The following MYOZ2 variants were observed in gnomAD, a reference collection of about 807,000 sequenced individuals.
MYOZ2 encodes myozenin 2.
MYOZ2 carries 19 observed loss-of-function variants against 25.4 expected under a neutral mutation model. That is an observed-to-expected ratio of 0.75 (90% CI 0.52 to 1.10). MYOZ2 has a LOEUF of 1.10. Ranked by LOEUF, MYOZ2 falls within the 50% of genes least tolerant of loss-of-function variation. The pLI is 0.00. For missense variants in MYOZ2, 270 were observed against 317.9 expected (o/e 0.85, Z 1.15); for synonymous variants, 92 against 106.9 (o/e 0.86, Z 0.86).
At chr4:119,180,618 A>G (rs1742168422) in intron 5 of MYOZ2, among the ~76,000 whole-genome samples, 1 of 152,086 alleles carries the variant, frequency 6.6e-6, no homozygotes, top group Admixed American at 6.6e-5. Flanking sequence ...CGGTGGTGCG[A>G]TTTCAGCTCA....
chr4:119,145,966 G>C (rs1741282054), intron 2 of MYOZ2, among the ~76,000 whole-genome samples: 1 of 152,074 alleles, frequency 6.6e-6, no homozygotes, highest in South Asian at 2.1e-4. Context: ...TGAGGAACTG[G>C]TCAATTTTTT....
intron 5 of MYOZ2, among the ~76,000 whole-genome samples, chr4:119,165,923 G>A (rs567376930): frequency 6.6e-6 from 1 of 152,226 alleles, no homozygotes; most frequent in South Asian, 2.1e-4. Context: ...GATGCCTATT[G>A]ACTGTATAAA....
intron 2 of MYOZ2, among the ~76,000 whole-genome samples, chr4:119,138,560 T>C (rs1371146810): frequency 1.3e-5 from 2 of 152,160 alleles, no homozygotes; most frequent in Non-Finnish European, 2.9e-5. Context: ...GGAGTAAAAA[T>C]CTGGATAATT....
chr4:119,150,985 A>C lies in MYOZ2; in HGVS notation c.190A>C (p.Arg64=), dbSNP rs727505324. 2 of 1,613,494 alleles carry C rather than the reference A, an allele frequency of 1.2e-6. No homozygotes were observed. The highest frequency in any genetic ancestry group is 4.5e-5 in the East Asian group (2 of 44,874). Residue 64 remains arginine (R), a synonymous_variant, in exon 3 of 6, where the codon AGA becomes CGA. Coordinates refer to ENST00000307128, the MANE Select transcript of MYOZ2 (RefSeq NM_016599.5). ...CAGGCTATTTAAGATGCGTCAAAGA[A>C]GATCTGACAAATACACATTTGAAAA... The part of the protein sequence containing the change: ...GARLFKMRQR[R]SDKYTFENFQ...
At chr4:119,153,757 T>G (rs1320015162) in intron 3 of MYOZ2, among the ~76,000 whole-genome samples, 2 of 152,146 alleles carry the variant, frequency 1.3e-5, no homozygotes, top group Non-Finnish European at 1.5e-5. Flanking sequence ...AGCTTTGAAT[T>G]CTACTGGTGA....
chr4:119,163,659 C>T (rs1741755775), intron 4 of MYOZ2, among the ~76,000 whole-genome samples: 1 of 152,046 alleles, frequency 6.6e-6, no homozygotes, highest in Admixed American at 6.6e-5. Context: ...AAGAGCTGGG[C>T]CTGAATAAGG....
intron 2 of MYOZ2, among the ~76,000 whole-genome samples, chr4:119,145,153 C>T (rs183721228): frequency 2.0e-5 from 3 of 152,080 alleles, no homozygotes; most frequent in African/African-American, 7.2e-5. Context: ...TAGTGAATTA[C>T]ATTGATTGAT....
chr4:119,142,511 T>C (rs886672905), intron 2 of MYOZ2, among the ~76,000 whole-genome samples: 7 of 152,164 alleles, frequency 4.6e-5, no homozygotes, highest in African/African-American at 7.2e-5. Flanking sequence ...GGGTGAATAT[T>C]CCCTGTAGAA....
chr4:119,147,533 G>A (rs984361408), intron 2 of MYOZ2, among the ~76,000 whole-genome samples: 19 of 152,066 alleles, frequency 1.2e-4, no homozygotes, highest in Admixed American at 1.2e-3. Flanking sequence ...TTGAGGTCAG[G>A]AGTTCGAGAC....
At chr4:119,144,488 T>A (rs62326319) in intron 2 of MYOZ2, among the ~76,000 whole-genome samples, 34,659 of 152,172 alleles carry the variant, frequency 0.23, 4,607 homozygotes, top group South Asian at 0.35. Flanking sequence ...TATTGCAGGG[T>A]AGTTCTGCAT....
rs570634383 is a variant in MYOZ2, at chr4:119,186,574, T to C, written c.*374T>C. 3.0e-5 allele frequency: 7 copies of C among 235,428 alleles called. No homozygotes were observed. Among genetic ancestry groups the C allele is most frequent in the Admixed American group, 5.3e-5 (1 of 18,716 alleles). 14.6% of individuals were successfully genotyped at this position (235,428 alleles called of 1,614,324 possible). A position where few individuals can be genotyped will look rare whatever the true frequency, so the allele number is the denominator to read the frequency against. ...TAGAATCAAAATACAGGGAGAGATA[T>C]GAAGACCTATTCAGAGTTTCATCTG... On this transcript the variant is annotated 3_prime_UTR_variant, in exon 6 of 6. Transcript: ENST00000307128.
At chr4:119,153,567 C>G (rs1055061597) in intron 3 of MYOZ2, among the ~76,000 whole-genome samples, 1 of 152,044 alleles carries the variant, frequency 6.6e-6, no homozygotes, top group Non-Finnish European at 1.5e-5. Context: ...CAAGCTTTTA[C>G]TTTTACTGCT....
In MYOZ2 at chr4:119,168,683, A is replaced by AAACAACAACAACAACAAC. The variant is rs150292392; in HGVS notation, c.560+4301_560+4318dup. 4.8e-3 allele frequency among the ~76,000 whole-genome samples: 719 copies of AAACAACAACAACAACAAC among 150,934 alleles called. 4 individuals carry two copies. Among genetic ancestry groups the AAACAACAACAACAACAAC allele is most frequent in the African/African-American group, 0.017 (683 of 40,658 alleles). On this transcript the variant is annotated intron_variant, in intron 5 of 5. Transcript: ENST00000307128. ...CTGCAATCTAAAAAAAACAACAACA[A>AAACAACAACAACAACAAC]AACAACAACAACAACAACAACAACA... is the stretch of plus-strand genomic sequence containing the variant.
intron 2 of MYOZ2, among the ~76,000 whole-genome samples, chr4:119,140,269 A>T (rs751495454): frequency 1.1e-4 from 17 of 152,216 alleles, no homozygotes; most frequent in Non-Finnish European, 2.4e-4. Flanking sequence ...CAGATGAAAG[A>T]TTACATGAAG....
chr4:119,143,343 A>C lies in MYOZ2; in HGVS notation c.76+6742A>C, dbSNP rs747387303. On this transcript the variant is annotated intron_variant, in intron 2 of 5. Transcript: ENST00000307128. ...CCCGAGTAGCTGGGATTACAGGTGCACACCACCACACATGGCTAATTTTTG... is the reference window on the plus strand; with the variant it reads ...CCCGAGTAGCTGGGATTACAGGTGCCCACCACCACACATGGCTAATTTTTG... Among the ~76,000 whole-genome samples the C allele has an allele frequency of 1.2e-4, 18 of 151,960 alleles. No individual in the cohort carries two copies. In the Middle Eastern group the frequency reaches 0.01, roughly 87 times the overall value.
chr4:119,174,177 C>G lies in MYOZ2; in HGVS notation c.560+9783C>G, dbSNP rs576326721. On this transcript the variant is annotated intron_variant, in intron 5 of 5. Coordinates refer to ENST00000307128, the MANE Select transcript of MYOZ2 (RefSeq NM_016599.5). ...CCAGGGGCTGAGGAGTGCAAGCGCA[C>G]GGCGCAGGACTGGCAGGCAGCTCCA... 9.2e-5 allele frequency among the ~76,000 whole-genome samples: 14 copies of G among 152,346 alleles called. No individual in the cohort carries two copies. The South Asian group carries it at 2.5e-3, about 27-fold the overall frequency.
At chr4:119,137,685 C>G (rs1741063192) in intron 2 of MYOZ2, among the ~76,000 whole-genome samples, 1 of 152,148 alleles carries the variant, frequency 6.6e-6, no homozygotes, top group African/African-American at 2.4e-5. Flanking sequence ...CTGGATTCAA[C>G]TTGGTTCTCA....
chr4:119,160,069 C>T (rs1216152785), intron 4 of MYOZ2, among the ~76,000 whole-genome samples: 1 of 152,154 alleles, frequency 6.6e-6, no homozygotes, highest in Non-Finnish European at 1.5e-5. Context: ...TACTACCATG[C>T]TGGGAAAGAA....
chr4:119,148,724 G>GTT (rs1741369239), intron 2 of MYOZ2, among the ~76,000 whole-genome samples: 1 of 73,920 alleles, frequency 1.4e-5, no homozygotes, highest in African/African-American at 5.1e-5. Flanking sequence ...TCTCGACTGA[G>GTT]ATTTTTTTTT....
Sources: allele counts gnomAD v4.1 joint callset (sites outside exome capture counted in the v4.1 genomes callset), GRCh38; gene constraint gnomAD v4.1.1; transcripts MANE v1.5; gene names NCBI Gene and HGNC (gene_info 2026-07-23, HGNC 2026-07-21).